Variants in RFC3 observed in about 807,000 individuals in gnomAD.
The protein encoded by RFC3 is replication factor C subunit 3, also known as A1 38 kDa subunit.
In RFC3, 41 loss-of-function variants were observed where a neutral mutation model predicts 45.1. That is an observed-to-expected ratio of 0.91 (90% CI 0.71 to 1.18). The LOEUF is 1.18. Among genes scored for constraint, RFC3 ranks in the 50% most tolerant of loss-of-function variants. The pLI is 0.00. For missense variants in RFC3, 423 were observed against 428.1 expected (o/e 0.99, Z 0.10); for synonymous variants, 149 against 144.0 (o/e 1.03, Z -0.25).
At chr13:33,964,052 TTGCTC>T (rs2083073233) in intron 8 of RFC3, among the ~76,000 whole-genome samples, 1 of 152,174 alleles carries the variant, frequency 6.6e-6, no homozygotes, top group African/African-American at 2.4e-5. Context: ...TCAGGGCTGT[TTGCTC>T]TGCTGCTGAC....
chr13:33,840,937 G>A (rs1361616234), downstream of RFC3, among the ~76,000 whole-genome samples: 1 of 152,122 alleles, frequency 6.6e-6, no homozygotes, highest in Non-Finnish European at 1.5e-5. Flanking sequence ...TCACAGCCAA[G>A]AGAAATGTAA....
chr13:33,869,581 C>T (rs1201747765), intron 8 of RFC3, among the ~76,000 whole-genome samples: 1 of 152,086 alleles, frequency 6.6e-6, no homozygotes, highest in East Asian at 1.9e-4. Flanking sequence ...CCATCTGTTC[C>T]CAAAGTTCTC....
intron 2 of RFC3, among the ~76,000 whole-genome samples, chr13:33,822,246 G>T (rs1292133832): frequency 6.6e-6 from 1 of 152,152 alleles, no homozygotes; most frequent in Non-Finnish European, 1.5e-5. Flanking sequence ...ATCTTATAGA[G>T]GGACAATAAA....
At chr13:33,884,383 T>C (rs759127502) in intron 8 of RFC3, among the ~76,000 whole-genome samples, 6 of 152,208 alleles carry the variant, frequency 3.9e-5, no homozygotes, top group Non-Finnish European at 8.8e-5. Flanking sequence ...TCCTGAATTA[T>C]AGCTATAGAC....
intron 8 of RFC3, among the ~76,000 whole-genome samples, chr13:33,896,144 C>T (rs770483396): frequency 3.7e-4 from 56 of 149,526 alleles, no homozygotes; most frequent in Middle Eastern, 3.3e-3. Context: ...CACTTGTACC[C>T]CAAAAGCTAT....
chr13:33,856,301 C>G lies in RFC3; in HGVS notation c.879+21084C>G, dbSNP rs1020859444. ...GTTAAATGAAGAGAAGAGATGGACA[C>G]AGACAGGTAAACAGCAGACACTGGA... On this transcript the variant is annotated intron_variant, in intron 8 of 8. Transcript: ENST00000434425. Among the ~76,000 whole-genome samples, 4 of 152,082 alleles carry G rather than the reference C, an allele frequency of 2.6e-5. No homozygotes were observed. In the South Asian group the frequency reaches 8.3e-4, roughly 32 times the overall value.
intron 8 of RFC3, among the ~76,000 whole-genome samples, chr13:33,914,801 C>G (rs1326490795): frequency 6.6e-6 from 1 of 152,002 alleles, no homozygotes; most frequent in African/African-American, 2.4e-5. Context: ...TTTATGATCT[C>G]ATAAATAAGG....
At chr13:33,948,505 C>T (rs114101576) in intron 8 of RFC3, among the ~76,000 whole-genome samples, 1 of 152,180 alleles carries the variant, frequency 6.6e-6, no homozygotes, top group Non-Finnish European at 1.5e-5. Flanking sequence ...GGCACTGCCT[C>T]GTGGAGCTGT....
At chr13:33,941,837 T>C (rs1031736866) in intron 8 of RFC3, among the ~76,000 whole-genome samples, 1 of 152,170 alleles carries the variant, frequency 6.6e-6, no homozygotes, top group African/African-American at 2.4e-5. Flanking sequence ...TGCTTCCACC[T>C]CATTCTTTGT....
intron 8 of RFC3, chr13:33,846,900 C>G (rs989977972): frequency 1.3e-5 from 2 of 152,226 alleles, no homozygotes; most frequent in Non-Finnish European, 1.5e-5. Context: ...CACACAGATT[C>G]TCTCTTTTTC....
At chr13:33,859,077 C>A (rs1197386513) in intron 8 of RFC3, among the ~76,000 whole-genome samples, 1 of 152,106 alleles carries the variant, frequency 6.6e-6, no homozygotes, top group Non-Finnish European at 1.5e-5. Flanking sequence ...TTTATTGTTC[C>A]TGGTATAAAC....
At chr13:33,908,818 G>A (rs2082687611) in intron 8 of RFC3, among the ~76,000 whole-genome samples, 1 of 152,004 alleles carries the variant, frequency 6.6e-6, no homozygotes, top group South Asian at 2.1e-4. Context: ...GAAAGCCAAA[G>A]GTCCAAGACC....
intron 8 of RFC3, among the ~76,000 whole-genome samples, chr13:33,915,991 G>A (rs2082731082): frequency 6.6e-6 from 1 of 152,094 alleles, no homozygotes; most frequent in African/African-American, 2.4e-5. Flanking sequence ...AGAGATGGGG[G>A]TTTTGCCATG....
At chr13:33,967,433 C>A (rs2083093397), downstream of RFC3, among the ~76,000 whole-genome samples, 1 of 151,062 alleles carries the variant, frequency 6.6e-6, no homozygotes, top group African/African-American at 2.4e-5. Flanking sequence ...CCATTAAATG[C>A]TCTGCAGAAT....
chr13:33,823,309 A>G (rs528615555), intron 2 of RFC3, among the ~76,000 whole-genome samples: 4 of 152,334 alleles, frequency 2.6e-5, no homozygotes, highest in African/African-American at 9.6e-5. Flanking sequence ...TCTCTTACAT[A>G]GAAATGAAAG....
At position 33,955,028 on chromosome 13, in the gene RFC3, A is replaced by G. The variant is rs187814919; in HGVS notation, c.880-11059A>G. On this transcript the variant is annotated intron_variant, in intron 8 of 8. Coordinates refer to the RFC3 transcript ENST00000434425. ...TGGGGCTCAGCAATTTGGTTTGGCT[A>G]TTTCTCATGCAGCCTCTCTACATGG... Among the ~76,000 whole-genome samples the G allele has an allele frequency of 1.4e-3, 219 of 152,302 alleles. 2 individuals are homozygous for G. Among genetic ancestry groups the G allele is most frequent in the African/African-American group, 4.9e-3 (202 of 41,578 alleles).
At chr13:33,926,541 T>A (rs1219195696) in intron 8 of RFC3, among the ~76,000 whole-genome samples, 2 of 152,134 alleles carry the variant, frequency 1.3e-5, no homozygotes, top group African/African-American at 2.4e-5. Context: ...GCAGATTTTA[T>A]TTCATTCTTT....
intron 8 of RFC3, among the ~76,000 whole-genome samples, chr13:33,858,053 G>T (rs1388375514): frequency 1.3e-5 from 2 of 152,208 alleles, no homozygotes; most frequent in African/African-American, 4.8e-5. Context: ...TGAGTTGACA[G>T]TTCCTGAGGA....
chr13:33,883,494 A>T (rs1358028890), intron 8 of RFC3, among the ~76,000 whole-genome samples: 1 of 152,120 alleles, frequency 6.6e-6, no homozygotes, highest in Non-Finnish European at 1.5e-5. Context: ...ACCTATATAT[A>T]ACTAAAATTA....
Sources: allele counts gnomAD v4.1 joint callset (sites outside exome capture counted in the v4.1 genomes callset), GRCh38; gene constraint gnomAD v4.1.1; transcripts MANE v1.5; gene names NCBI Gene and HGNC (gene_info 2026-07-23, HGNC 2026-07-21).